NLGN1: variants seen among roughly 807,000 people sequenced by gnomAD.
NLGN1 encodes neuroligin 1.
A neutral mutation model predicts 65.5 loss-of-function variants in NLGN1; 12 were observed. That is an observed-to-expected ratio of 0.18 (90% CI 0.12 to 0.30). The LOEUF is 0.30. Among genes scored for constraint, NLGN1 ranks in the 10% least tolerant of loss-of-function variants. NLGN1 has a pLI of 1.00. For synonymous variants in NLGN1, 350 were observed against 359.5 expected (o/e 0.97, Z 0.30); for missense variants, 750 against 1,007.1 (o/e 0.74, Z 3.46).
At chr3:173,961,325 C>G (rs1713513531) in intron 4 of NLGN1, among the ~76,000 whole-genome samples, 2 of 151,790 alleles carry the variant, frequency 1.3e-5, no homozygotes, top group African/African-American at 4.8e-5. Flanking sequence ...AAATCAATAC[C>G]CAGAACATAC....
intron 4 of NLGN1, among the ~76,000 whole-genome samples, chr3:173,835,032 T>G (rs1723338351): frequency 6.6e-6 from 1 of 152,170 alleles, no homozygotes; most frequent in Admixed American, 6.5e-5. Flanking sequence ...CTTACCCAAA[T>G]TTTCTGATAA....
At chr3:174,224,092 A>G (rs73038830) in intron 4 of NLGN1, among the ~76,000 whole-genome samples, 3,985 of 152,184 alleles carry the variant, frequency 0.026, 173 homozygotes, top group African/African-American at 0.09. Context: ...CATCTTCTAT[A>G]CTGGTATATA....
At chr3:173,877,934 C>G (rs1479934080) in intron 4 of NLGN1, among the ~76,000 whole-genome samples, 1 of 152,164 alleles carries the variant, frequency 6.6e-6, no homozygotes, top group East Asian at 1.9e-4. Flanking sequence ...AATTTTACTT[C>G]TGGAATATGT....
intron 4 of NLGN1, among the ~76,000 whole-genome samples, chr3:173,877,549 A>G (rs954114864): frequency 6.6e-6 from 1 of 152,160 alleles, no homozygotes; most frequent in African/African-American, 2.4e-5. Context: ...TAATACCAGT[A>G]GTATTGTATC....
At chr3:173,987,461 G>T (rs1579592643) in intron 4 of NLGN1, among the ~76,000 whole-genome samples, 1 of 152,058 alleles carries the variant, frequency 6.6e-6, no homozygotes, top group Non-Finnish European at 1.5e-5. Context: ...CTTCTATTTG[G>T]CACTAATCTC....
At chr3:173,985,164 A>G (rs1719620986) in intron 4 of NLGN1, among the ~76,000 whole-genome samples, 1 of 152,150 alleles carries the variant, frequency 6.6e-6, no homozygotes, top group Admixed American at 6.5e-5. Flanking sequence ...GAGAATTATG[A>G]CGATTTGAAA....
chr3:174,201,290 G>A (rs936413856), intron 4 of NLGN1, among the ~76,000 whole-genome samples: 77 of 133,732 alleles, frequency 5.8e-4, no homozygotes, highest in African/African-American at 1.9e-3. Context: ...GAAAGGAACG[G>A]AAAGGGGGAG....
At chr3:174,211,006 G>A (rs1409635543) in intron 4 of NLGN1, among the ~76,000 whole-genome samples, 1 of 152,128 alleles carries the variant, frequency 6.6e-6, no homozygotes, top group Non-Finnish European at 1.5e-5. Flanking sequence ...AGCTCTTAAG[G>A]TGGCGCGTCT....
intron 4 of NLGN1, among the ~76,000 whole-genome samples, chr3:174,250,085 C>T (rs927974874): frequency 1.3e-5 from 2 of 151,470 alleles, no homozygotes; most frequent in Non-Finnish European, 2.9e-5. Flanking sequence ...AGCCACACTT[C>T]ATTATTAAAA....
At chr3:173,796,101 T>C (rs1333530638) in intron 3 of NLGN1, among the ~76,000 whole-genome samples, 2 of 152,106 alleles carry the variant, frequency 1.3e-5, no homozygotes. Context: ...CCTACTTGCC[T>C]TTTGCAGATA....
In NLGN1 at chr3:173,643,814, T is replaced by A. The variant is rs189462175; in HGVS notation, c.493+38723T>A. ...GTTTTGAACTCCTGGGCTCAAGTGA[T>A]CCTGCCACTTCAGCTTCCCAAATAA... On this transcript the variant is annotated intron_variant, in intron 3 of 6. Transcript: ENST00000457714. Among the ~76,000 whole-genome samples, 807 of 152,334 alleles carry A rather than the reference T, an allele frequency of 5.3e-3. 4 individuals carry two copies. Among genetic ancestry groups the A allele is most frequent in the Non-Finnish European group, 9.3e-3 (633 of 68,024 alleles).
chr3:173,622,844 C>T (rs767658109), intron 3 of NLGN1, among the ~76,000 whole-genome samples: 13 of 151,888 alleles, frequency 8.6e-5, no homozygotes, highest in African/African-American at 1.2e-4. Context: ...TTGATATTTC[C>T]GAAAGAACAA....
At chr3:174,076,514 T>A (rs1740943411) in intron 4 of NLGN1, among the ~76,000 whole-genome samples, 1 of 152,158 alleles carries the variant, frequency 6.6e-6, no homozygotes, top group Admixed American at 6.6e-5. Context: ...CGTTCCTCTG[T>A]TCTCAACCAA....
At chr3:174,274,098 T>C (rs1750039430) in intron 4 of NLGN1, among the ~76,000 whole-genome samples, 1 of 151,748 alleles carries the variant, frequency 6.6e-6, no homozygotes, top group Non-Finnish European at 1.5e-5. Flanking sequence ...TTTTAAAAAT[T>C]AGTTCTATAA....
At chr3:173,642,484 T>G (rs1288143640) in intron 3 of NLGN1, among the ~76,000 whole-genome samples, 1 of 152,108 alleles carries the variant, frequency 6.6e-6, no homozygotes, top group East Asian at 1.9e-4. Flanking sequence ...GGGAAAGAAT[T>G]TGCCAAAACC....
rs371717565 is a variant in NLGN1, at chr3:174,224,523, C to T, written c.647-50792C>T. ...AGACCAGCCTGACCAACACGGTGAA[C>T]CCCCGTCTCTACCAAAAACACAAAA... On this transcript the variant is annotated intron_variant, in intron 4 of 6. Coordinates refer to ENST00000457714, the Ensembl canonical transcript of NLGN1. 6.6e-5 allele frequency among the ~76,000 whole-genome samples: 10 copies of T among 152,054 alleles called. No homozygotes were observed. In the East Asian group the frequency reaches 1.5e-3, roughly 23 times the overall value.
intron 4 of NLGN1, among the ~76,000 whole-genome samples, chr3:173,941,825 T>C (rs1015404458): frequency 2.0e-5 from 3 of 152,088 alleles, no homozygotes; most frequent in Non-Finnish European, 2.9e-5. Context: ...TATTTAGATT[T>C]TAGCCTTTCC....
At chr3:173,525,459 A>G (rs562020286) in intron 2 of NLGN1, among the ~76,000 whole-genome samples, 118 of 152,118 alleles carry the variant, frequency 7.8e-4, no homozygotes, top group African/African-American at 2.7e-3. Flanking sequence ...TATGAGTTGT[A>G]ATGTCACTTT....
chr3:174,020,458 C>G (rs367955322), intron 4 of NLGN1, among the ~76,000 whole-genome samples: 1 of 151,934 alleles, frequency 6.6e-6, no homozygotes, highest in Non-Finnish European at 1.5e-5. Flanking sequence ...TTACTTCTTA[C>G]TTTATATTTT....
Sources: allele counts gnomAD v4.1 joint callset (sites outside exome capture counted in the v4.1 genomes callset), GRCh38; gene constraint gnomAD v4.1.1; transcripts MANE v1.5; gene names NCBI Gene and HGNC (gene_info 2026-07-23, HGNC 2026-07-21).